CFTR: variants seen among roughly 807,000 people sequenced by gnomAD.
CFTR encodes cystic fibrosis transmembrane conductance regulator.
In CFTR, 181 loss-of-function variants were observed where a neutral mutation model predicts 171.6. The ratio of observed to expected loss-of-function variants is 1.05; its 90% CI spans 0.93 to 1.19. The LOEUF (loss-of-function observed/expected upper bound fraction) is 1.19, where lower values mean the gene tolerates loss of function less well. Ranked by LOEUF, CFTR falls within the 50% of genes most tolerant of loss-of-function variation. The pLI, the probability that CFTR is intolerant of heterozygous loss-of-function variation, is 0.00. For missense variants in CFTR, 1,968 were observed against 1,734.7 expected (o/e 1.13, Z -2.39); for synonymous variants, 583 against 608.0 (o/e 0.96, Z 0.60).
chr7:117,657,505 G>A (rs1258344923), intron 24 of CFTR, among the ~76,000 whole-genome samples: 2 of 152,192 alleles, frequency 1.3e-5, no homozygotes, highest in Non-Finnish European at 1.5e-5. Context: ...TCAGCCTAGA[G>A]AAGCAGAAAA....
chr7:117,628,767 G>T (rs1453015552), intron 22 of CFTR, among the ~76,000 whole-genome samples: 1 of 152,020 alleles, frequency 6.6e-6, no homozygotes, highest in Non-Finnish European at 1.5e-5. Context: ...ATATATATAG[G>T]ATGTGCGAAA....
At chr7:117,512,206 A>C (rs984293724) in intron 3 of CFTR, among the ~76,000 whole-genome samples, 1 of 152,190 alleles carries the variant, frequency 6.6e-6, no homozygotes, top group African/African-American at 2.4e-5. Flanking sequence ...TGAAGGAGCT[A>C]ATCTTTCTGA....
intron 21 of CFTR, among the ~76,000 whole-genome samples, chr7:117,619,321 A>C (rs1434627113): frequency 6.6e-6 from 1 of 152,232 alleles, no homozygotes; most frequent in African/African-American, 2.4e-5. Context: ...TAAAGATTAA[A>C]TAAATAAGAT....
At chr7:117,580,442 T>A (rs897513431) in intron 11 of CFTR, among the ~76,000 whole-genome samples, 1 of 152,078 alleles carries the variant, frequency 6.6e-6, no homozygotes, top group Admixed American at 6.6e-5. Flanking sequence ...TATAATTCTT[T>A]TGGTTGTTTT....
At chr7:117,501,338 T>C (rs1034058798) in intron 1 of CFTR, among the ~76,000 whole-genome samples, 2 of 152,174 alleles carry the variant, frequency 1.3e-5, no homozygotes, top group African/African-American at 4.8e-5. Context: ...CCAGCTGAGC[T>C]GATTTTTAAA....
At chr7:117,480,191 G>A (rs1237251311) in intron 1 of CFTR, 44 bp downstream of exon 1, 4 of 1,583,784 alleles carry the variant, frequency 2.5e-6, no homozygotes, top group African/African-American at 2.7e-5. Context: ...ACGTGCCCAC[G>A]AAAGAGGAGG....
chr7:117,632,769 T>C lies in CFTR; in HGVS notation c.3717+4999T>C, dbSNP rs189235365. 2.0e-5 allele frequency among the ~76,000 whole-genome samples: 3 copies of C among 152,228 alleles called. No homozygotes were observed. The East Asian group carries it at 5.8e-4, about 29-fold the overall frequency. On this transcript the variant is annotated intron_variant, in intron 22 of 26. Transcript: ENST00000003084. The stretch of plus-strand genomic sequence containing the variant: ...GGGGATGGTCATAGCAAATGCAATA[T>C]GGAGGCATTTGCCTCTGCACTGAGG...
chr7:117,614,594 G>A lies in CFTR; in HGVS notation c.3368-19G>A, dbSNP rs374104839. 1.1e-5 allele frequency: 17 copies of A among 1,494,572 alleles called. No individual in the cohort carries two copies. The highest frequency in any genetic ancestry group is 6.8e-5 in the East Asian group (3 of 44,150). 92.6% of individuals were successfully genotyped at this position (1,494,572 alleles called of 1,614,324 possible). On this transcript the variant is annotated intron_variant, in intron 20 of 26. Coordinates refer to ENST00000003084, the MANE Select transcript of CFTR (RefSeq NM_000492.4). ...GAGAAATAACATGAGGTTCATTTAC[G>A]TCTTTTGTGCATCTATAGGAGAAGG...
intron 13 of CFTR, among the ~76,000 whole-genome samples, chr7:117,590,758 A>G (rs1354948252): frequency 6.6e-6 from 1 of 152,046 alleles, no homozygotes; most frequent in Non-Finnish European, 1.5e-5. Context: ...TATTATACTT[A>G]ACATTTTTAT....
At chr7:117,545,952 A>T (rs1049635359) in intron 9 of CFTR, among the ~76,000 whole-genome samples, 1 of 151,712 alleles carries the variant, frequency 6.6e-6, no homozygotes, top group African/African-American at 2.4e-5. Flanking sequence ...CTGAGTAGCT[A>T]GGGCTACAGA....
At chr7:117,509,871 A>G (rs955240074) in intron 3 of CFTR, among the ~76,000 whole-genome samples, 7 of 152,156 alleles carry the variant, frequency 4.6e-5, no homozygotes, top group Non-Finnish European at 8.8e-5. Context: ...TCTTCTTGTT[A>G]AAGCTGTGCA....
intron 9 of CFTR, among the ~76,000 whole-genome samples, chr7:117,542,494 C>G (rs1031079830): frequency 6.6e-6 from 1 of 151,798 alleles, no homozygotes; most frequent in Non-Finnish European, 1.5e-5. Context: ...TTGCAGTGAG[C>G]TAAGATCACG....
chr7:117,578,946 T>G (rs1306349777), intron 11 of CFTR, among the ~76,000 whole-genome samples: 1 of 152,102 alleles, frequency 6.6e-6, no homozygotes, highest in Admixed American at 6.6e-5. Flanking sequence ...TGCTTCTTCT[T>G]TCAAAGTCAT....
intron 24 of CFTR, among the ~76,000 whole-genome samples, chr7:117,660,666 A>ATGTGTGTG (rs57950576): frequency 6.7e-6 from 1 of 149,144 alleles, no homozygotes; most frequent in African/African-American, 2.5e-5. Flanking sequence ...GGGGATATAT[A>ATGTGTGTG]TGTGTGTGTG....
chr7:117,585,798 T>C (rs1403138479), intron 11 of CFTR, among the ~76,000 whole-genome samples: 1 of 152,086 alleles, frequency 6.6e-6, no homozygotes, highest in African/African-American at 2.4e-5. Context: ...CATGCTACCA[T>C]GCCCAGCTAA....
At chr7:117,598,928 G>A (rs1485148141) in intron 15 of CFTR, among the ~76,000 whole-genome samples, 3 of 152,104 alleles carry the variant, frequency 2.0e-5, no homozygotes, top group Non-Finnish European at 4.4e-5. Flanking sequence ...TACATAATGA[G>A]CAAGGTTTGT....
At chr7:117,597,813 TAA>T (rs34276900) in intron 15 of CFTR, among the ~76,000 whole-genome samples, 14 of 133,034 alleles carry the variant, frequency 1.1e-4, no homozygotes, top group Admixed American at 2.2e-4. Flanking sequence ...ATCACCAAGT[TAA>T]AAAAAAAAAA....
At chr7:117,650,204 C>G (rs78371299) in intron 23 of CFTR, among the ~76,000 whole-genome samples, 7 of 151,972 alleles carry the variant, frequency 4.6e-5, no homozygotes, top group African/African-American at 1.5e-4. Context: ...TTGCTGAATG[C>G]GAATGGATGG....
At chr7:117,610,749 A>T (rs996018172) in intron 19 of CFTR, 80 bp downstream of exon 19, 5 of 1,492,206 alleles carry the variant, frequency 3.4e-6, no homozygotes, top group African/African-American at 1.4e-5. Context: ...TAATCTACTT[A>T]AAAAAAATTC....
Sources: gnomAD v4.1 joint callset for allele counts (sites outside exome capture counted in the v4.1 genomes callset) on GRCh38, gnomAD v4.1.1 for gene constraint, MANE v1.5 for transcripts, NCBI Gene and HGNC (gene_info 2026-07-23, HGNC 2026-07-21) for gene names.